The following ADTRP variants were observed in gnomAD, a reference collection of about 807,000 sequenced individuals.
ADTRP encodes the protein androgen dependent TFPI regulating protein.
Under a neutral mutation model 27.0 loss-of-function variants are expected in ADTRP, and 20 were observed. The observed-to-expected ratio is 0.74, with a 90% CI of 0.52 to 1.08. The LOEUF (loss-of-function observed/expected upper bound fraction) is 1.08. Among genes scored for constraint, ADTRP ranks in the 50% least tolerant of loss-of-function variants. The probability of loss-of-function intolerance (pLI) is 0.00; values close to 1 mark genes in which losing one functional copy is unlikely to be tolerated. For synonymous variants in ADTRP, 101 were observed against 105.2 expected (o/e 0.96, Z 0.25); for missense variants, 251 against 275.0 (o/e 0.91, Z 0.62).
chr6:11,765,684 T>G (rs1271604771), intron 3 of ADTRP, among the ~76,000 whole-genome samples: 1 of 152,050 alleles, frequency 6.6e-6, no homozygotes, highest in Non-Finnish European at 1.5e-5. Context: ...ATGCCAGCCT[T>G]GCTTGTTTGG....
chr6:11,725,899 CAA>C (rs59048593), intron 4 of ADTRP, among the ~76,000 whole-genome samples: 10 of 89,908 alleles, frequency 1.1e-4, no homozygotes, highest in Non-Finnish European at 6.4e-5. Flanking sequence ...GACTCTATCT[CAA>C]AAAAAAAAAA....
chr6:11,726,217 T>G (rs1203763544), intron 4 of ADTRP, among the ~76,000 whole-genome samples: 2 of 152,206 alleles, frequency 1.3e-5, no homozygotes, highest in African/African-American at 2.4e-5. Context: ...AGAATGGTGC[T>G]TGCCATGTGG....
chr6:11,767,184 C>T (rs1222659673), intron 2 of ADTRP, among the ~76,000 whole-genome samples: 3 of 152,038 alleles, frequency 2.0e-5, no homozygotes, highest in East Asian at 1.9e-4. Context: ...TCAGCCTGGG[C>T]GACATGGCAA....
chr6:11,731,348 T>G (rs994951569), intron 4 of ADTRP, among the ~76,000 whole-genome samples: 1 of 152,238 alleles, frequency 6.6e-6, no homozygotes, highest in Non-Finnish European at 1.5e-5. Context: ...TTGTCAAGAA[T>G]GACATTTTAA....
chr6:11,732,527 G>A (rs1762422761), intron 4 of ADTRP, among the ~76,000 whole-genome samples: 1 of 152,210 alleles, frequency 6.6e-6, no homozygotes, highest in African/African-American at 2.4e-5. Context: ...GCACCAAAGA[G>A]TCTGAGCTCC....
At chr6:11,714,703 G>A (rs1424111755) in intron 5 of ADTRP, among the ~76,000 whole-genome samples, 191 bp from the exon 6 acceptor site, 1 of 152,210 alleles carries the variant, frequency 6.6e-6, no homozygotes, top group Non-Finnish European at 1.5e-5. Flanking sequence ...GAACAACTCT[G>A]CCGTCCTCCC....
intron 1 of ADTRP, among the ~76,000 whole-genome samples, chr6:11,770,969 G>C (rs1362650432): frequency 6.6e-6 from 1 of 152,194 alleles, no homozygotes; most frequent in Non-Finnish European, 1.5e-5. Context: ...TTCCCTCTCT[G>C]GGGAGAGGCC....
chr6:11,735,067 T>C (rs1211725652), intron 4 of ADTRP, among the ~76,000 whole-genome samples: 1 of 152,178 alleles, frequency 6.6e-6, no homozygotes, highest in East Asian at 1.9e-4. Flanking sequence ...ACAGAAATCA[T>C]CTCCCATGCA....
intron 4 of ADTRP, 89 bp from the exon 5 acceptor site, chr6:11,723,589 G>C: frequency 6.8e-7 from 1 of 1,480,684 alleles, no homozygotes; most frequent in South Asian, 1.3e-5. Context: ...CTGGTACCCA[G>C]GCAGGGGAAG....
chr6:11,718,212 C>T (rs532100960), intron 5 of ADTRP, among the ~76,000 whole-genome samples: 4 of 152,170 alleles, frequency 2.6e-5, no homozygotes, highest in African/African-American at 9.7e-5. Flanking sequence ...GGGGCCCTGA[C>T]AAAGGACAGC....
intron 1 of ADTRP, 43 bp downstream of exon 1, chr6:11,778,564 C>A: frequency 6.3e-7 from 1 of 1,583,830 alleles, no homozygotes. Flanking sequence ...CACTGATATT[C>A]TAGAGAAATG....
At chr6:11,739,477 A>G (rs902491872) in intron 3 of ADTRP, among the ~76,000 whole-genome samples, 2 of 152,216 alleles carry the variant, frequency 1.3e-5, no homozygotes, top group Non-Finnish European at 2.9e-5. Context: ...TAAAATGCCA[A>G]CTTTCACCTA....
chr6:11,739,449 T>TC (rs1458218901), intron 3 of ADTRP, among the ~76,000 whole-genome samples: 2 of 152,012 alleles, frequency 1.3e-5, no homozygotes, highest in East Asian at 3.8e-4. Flanking sequence ...AATTATACCT[T>TC]CCCCCCACCA....
At chr6:11,761,437 T>C (rs894022979) in intron 3 of ADTRP, among the ~76,000 whole-genome samples, 22 of 152,344 alleles carry the variant, frequency 1.4e-4, no homozygotes, top group African/African-American at 5.3e-4. Flanking sequence ...ATAAATACTT[T>C]TTAGCACTTC....
intron 3 of ADTRP, among the ~76,000 whole-genome samples, chr6:11,758,501 A>G (rs1344717204): frequency 2.2e-5 from 3 of 138,684 alleles, no homozygotes; most frequent in African/African-American, 8.0e-5. Flanking sequence ...GTTCTCATTC[A>G]TAGGTGGGAA....
At chr6:11,724,846 A>T (rs1762134311) in intron 4 of ADTRP, among the ~76,000 whole-genome samples, 1 of 152,246 alleles carries the variant, frequency 6.6e-6, no homozygotes, top group African/African-American at 2.4e-5. Context: ...AGTGCTTGGC[A>T]CATTGTAATA....
In ADTRP at chr6:11,736,220, A is replaced by AAC. The variant is rs35684305; in HGVS notation, c.391-539_391-538dup. 66 of 159,514 alleles carry AAC rather than the reference A, an allele frequency of 4.1e-4. 1 individual carries two copies. The highest frequency in any genetic ancestry group is 5.6e-4 in the East Asian group (3 of 5,360). 9.9% of individuals were successfully genotyped at this position (159,514 alleles called of 1,614,324 possible). On this transcript the variant is annotated intron_variant, in intron 3 of 5. Transcript: ENST00000414691. ...GTCACCGTGCCTGGCCCTCTCCTAA[A>AAC]ACACACACACACACACACGCACACA...
At chr6:11,776,014 T>C (rs80041475) in intron 1 of ADTRP, among the ~76,000 whole-genome samples, 1 of 148,726 alleles carries the variant, frequency 6.7e-6, no homozygotes, top group African/African-American at 2.5e-5. Flanking sequence ...GAATGAACAC[T>C]AATTAATCAT....
intron 3 of ADTRP, among the ~76,000 whole-genome samples, chr6:11,752,881 C>G (rs763444174): frequency 6.6e-6 from 1 of 152,080 alleles, no homozygotes; most frequent in East Asian, 1.9e-4. Flanking sequence ...GGAGAAGAGG[C>G]GATGGTGATT....
Sources: gnomAD v4.1 joint callset for allele counts (sites outside exome capture counted in the v4.1 genomes callset) on GRCh38, gnomAD v4.1.1 for gene constraint, MANE v1.5 for transcripts, NCBI Gene and HGNC (gene_info 2026-07-23, HGNC 2026-07-21) for gene names.